Variants in LRRC38 observed in about 807,000 individuals in gnomAD.
The protein encoded by LRRC38 is leucine rich repeat containing 38.
LRRC38 carries 5 observed loss-of-function variants against 16.4 expected under a neutral mutation model. The observed-to-expected ratio is 0.31, with a 90% CI of 0.16 to 0.64. The LOEUF (loss-of-function observed/expected upper bound fraction) is 0.64. LRRC38 is among the 30% of genes least tolerant of loss of function. The pLI is 0.80. For missense variants in LRRC38, 341 were observed against 401.8 expected (o/e 0.85, Z 1.29); for synonymous variants, 191 against 190.2 (o/e 1.00, Z -0.04).
intron 1 of LRRC38, among the ~76,000 whole-genome samples, chr1:13,488,356 C>T (rs1224970534): frequency 1.3e-5 from 2 of 151,502 alleles, no homozygotes; most frequent in East Asian, 3.9e-4. Context: ...ACTGCAACCT[C>T]CGCCTCCTGG....
chr1:13,512,756 G>A (rs915449123), intron 1 of LRRC38, among the ~76,000 whole-genome samples: 9 of 152,178 alleles, frequency 5.9e-5, no homozygotes, highest in Non-Finnish European at 1.3e-4. Flanking sequence ...AGGGGAAGAA[G>A]TACAGCCTCA....
intron 1 of LRRC38, among the ~76,000 whole-genome samples, chr1:13,512,511 TGAGAGGCC>T (rs1639284101): frequency 6.6e-6 from 1 of 152,142 alleles, no homozygotes; most frequent in Non-Finnish European, 1.5e-5. Flanking sequence ...GCTGAGAAGC[TGAGAGGCC>T]AGGTTAGGCT....
At chr1:13,482,491 A>C (rs1638881382) in intron 1 of LRRC38, among the ~76,000 whole-genome samples, 1 of 151,960 alleles carries the variant, frequency 6.6e-6, no homozygotes, top group Non-Finnish European at 1.5e-5. Context: ...GAGACAGGAA[A>C]ATTTCTTGAG....
intron 1 of LRRC38, among the ~76,000 whole-genome samples, chr1:13,479,719 G>A (rs940014874): frequency 2.0e-5 from 3 of 152,126 alleles, no homozygotes; most frequent in Admixed American, 1.3e-4. Flanking sequence ...GCTCACAAAG[G>A]GCAGAGAAAG....
intron 1 of LRRC38, among the ~76,000 whole-genome samples, chr1:13,477,613 GACTT>G (rs1557493528): frequency 6.6e-6 from 1 of 152,048 alleles, no homozygotes; most frequent in African/African-American, 2.4e-5. Flanking sequence ...CAAGATGAGA[GACTT>G]ACTTGAGCTC....
At chr1:13,493,428 A>C (rs542812114) in intron 1 of LRRC38, among the ~76,000 whole-genome samples, 27 of 152,256 alleles carry the variant, frequency 1.8e-4, no homozygotes, top group African/African-American at 6.3e-4. Context: ...ACAGGTGGGG[A>C]CACAGAAGTG....
At chr1:13,510,771 C>T (rs1639265333) in intron 1 of LRRC38, among the ~76,000 whole-genome samples, 1 of 152,160 alleles carries the variant, frequency 6.6e-6, no homozygotes, top group Non-Finnish European at 1.5e-5. Context: ...CAGAGGACAC[C>T]ATTACCACAT....
At chr1:13,502,906 C>T (rs1639167469) in intron 1 of LRRC38, among the ~76,000 whole-genome samples, 1 of 152,220 alleles carries the variant, frequency 6.6e-6, no homozygotes, top group Non-Finnish European at 1.5e-5. Context: ...TAAAAGCACA[C>T]ATCATCTCAT....
intron 1 of LRRC38, among the ~76,000 whole-genome samples, chr1:13,491,664 C>G (rs779010586): frequency 2.6e-5 from 4 of 151,860 alleles, no homozygotes; most frequent in Admixed American, 6.6e-5. Flanking sequence ...AAATCTCAGC[C>G]ATTTTCTTTT....
At chr1:13,498,010 A>AG (rs199532640) in intron 1 of LRRC38, among the ~76,000 whole-genome samples, 9,087 of 147,766 alleles carry the variant, frequency 0.061, 912 homozygotes, top group African/African-American at 0.21. Context: ...ATGCTGGATT[A>AG]AAAAAATATC....
At chr1:13,481,121 T>C (rs2100490376) in intron 1 of LRRC38, among the ~76,000 whole-genome samples, 1 of 152,202 alleles carries the variant, frequency 6.6e-6, no homozygotes, top group Non-Finnish European at 1.5e-5. Context: ...ATTAGTGTTC[T>C]TCCTCCCCAC....
intron 1 of LRRC38, among the ~76,000 whole-genome samples, chr1:13,482,057 T>A (rs1177189880): frequency 6.6e-6 from 1 of 152,258 alleles, no homozygotes; most frequent in Non-Finnish European, 1.5e-5. Context: ...AAATAGACAT[T>A]TAGTTATTAA....
intron 1 of LRRC38, among the ~76,000 whole-genome samples, chr1:13,496,194 T>C (rs188203512): frequency 2.0e-5 from 3 of 152,050 alleles, no homozygotes; most frequent in East Asian, 3.9e-4. Context: ...AGATAGAGTG[T>C]CTCGTTCTGT....
chr1:13,492,420 G>A (rs1415210558), intron 1 of LRRC38, among the ~76,000 whole-genome samples: 1 of 152,068 alleles, frequency 6.6e-6, no homozygotes, highest in Non-Finnish European at 1.5e-5. Context: ...AGGATTTTTG[G>A]CCGGGTGCGG....
chr1:13,490,108 C>A (rs1435203961), intron 1 of LRRC38, among the ~76,000 whole-genome samples: 1 of 152,130 alleles, frequency 6.6e-6, no homozygotes, highest in East Asian at 1.9e-4. Context: ...TGTAATCTGT[C>A]CTTCCCCTGG....
chr1:13,499,940 T>C (rs1454241289), intron 1 of LRRC38, among the ~76,000 whole-genome samples: 1 of 152,168 alleles, frequency 6.6e-6, no homozygotes. Context: ...CCTCCCATTC[T>C]ATTCCTAAAT....
rs1485869812 is a variant in LRRC38 at position 13,513,952 on chromosome 1, G to T, written c.-359C>A. 6.6e-6 allele frequency: 1 copy of T among 152,164 alleles called. No individual in the cohort carries two copies. The highest frequency in any genetic ancestry group is 1.5e-5 in the Non-Finnish European group (1 of 68,060). The allele number at this position is 152,164 out of a possible 1,614,324, so 9.4% of individuals were successfully genotyped here. On this transcript the variant is annotated 5_prime_UTR_variant, in exon 1 of 2. Coordinates refer to ENST00000376085, the MANE Select transcript of LRRC38 (RefSeq NM_001010847.2). ...GGCCCCACCCTGGCAGCTGATTTCC[G>T]AGATCTGGCAGTAAGACGCCGCGCG...
chr1:13,490,150 T>TTTTTTGC (rs1638991382), intron 1 of LRRC38, among the ~76,000 whole-genome samples: 1 of 151,986 alleles, frequency 6.6e-6, no homozygotes, highest in Non-Finnish European at 1.5e-5. Flanking sequence ...TCATAGTGTT[T>TTTTTTGC]TTTTTGTTTT....
At chr1:13,476,179 C>T (rs187750460) in intron 1 of LRRC38, 80 bp from the exon 2 acceptor site, 3 of 1,347,428 alleles carry the variant, frequency 2.2e-6, no homozygotes, top group East Asian at 5.3e-5. Flanking sequence ...CAGGTGCTTA[C>T]AAAGCCAGCA....
Sources: gnomAD v4.1 joint callset for allele counts (sites outside exome capture counted in the v4.1 genomes callset) on GRCh38, gnomAD v4.1.1 for gene constraint, MANE v1.5 for transcripts, NCBI Gene and HGNC (gene_info 2026-07-23, HGNC 2026-07-21) for gene names.